The following PI4KA variants were observed in gnomAD, a reference collection of about 807,000 sequenced individuals.
The protein encoded by PI4KA is phosphatidylinositol 4-kinase alpha, also known as PI4-kinase alpha.
In PI4KA, 122 loss-of-function variants were observed where a neutral mutation model predicts 271.4. The ratio of observed to expected loss-of-function variants is 0.45; its 90% CI spans 0.39 to 0.52. The LOEUF (loss-of-function observed/expected upper bound fraction) is 0.52, where lower values mean the gene tolerates loss of function less well. Ranked by LOEUF, PI4KA falls within the 20% of genes least tolerant of loss-of-function variation. PI4KA has a pLI of 0.00. For synonymous variants in PI4KA, 1,041 were observed against 1,078.8 expected (o/e 0.96, Z 0.69); for missense variants, 1,969 against 2,769.1 (o/e 0.71, Z 6.48).
intron 19 of PI4KA, among the ~76,000 whole-genome samples, chr22:20,792,747 G>A (rs540224922): frequency 1.1e-4 from 17 of 152,300 alleles, no homozygotes; most frequent in African/African-American, 2.9e-4. Context: ...TGCCAACAAC[G>A]TCCCCTGAAG....
rs544033472 is a variant in PI4KA at position 20,799,608 on chromosome 22, G to A, written c.1820+63C>T. 2,260 of 1,111,354 alleles carry A rather than the reference G, an allele frequency of 2.0e-3. 4 individuals carry two copies. The highest frequency in any genetic ancestry group is 2.8e-3 in the Non-Finnish European group (2,074 of 745,922). The allele number at this position is 1,111,354 out of a possible 1,614,324, so 68.8% of individuals were successfully genotyped here. ...GAGGCATGCATACGCACAATGCCAG[G>A]TGCCCCACACGAGCCTGCTGAGAAC... On this transcript the variant is annotated intron_variant, in intron 15 of 54. Transcript: ENST00000255882.
chr22:20,763,017 T>TGGGGG lies in PI4KA; in HGVS notation c.2709-1636_2709-1632dup, dbSNP rs1227387739. Among the ~76,000 whole-genome samples, 179 of 52,152 alleles carry TGGGGG rather than the reference T, an allele frequency of 3.4e-3. 2 individuals are homozygous for TGGGGG. Among genetic ancestry groups the TGGGGG allele is most frequent in the Non-Finnish European group, 4.7e-3 (140 of 29,558 alleles). The allele number at this position is 52,152 out of a possible 152,430, so 34.2% of individuals were successfully genotyped here. On this transcript the variant is annotated intron_variant, in intron 22 of 54. Transcript: ENST00000255882. ...GGCTAGGTTTTTTTGCTTTTTTTTT[T>TGGGGG]GGGGGGGGGGGGGGTTAGAGACAAG...
chr22:20,847,374 C>G (rs1157934583), intron 1 of PI4KA, among the ~76,000 whole-genome samples: 1 of 152,116 alleles, frequency 6.6e-6, no homozygotes, highest in Non-Finnish European at 1.5e-5. Context: ...ATTGCTTGAA[C>G]CCAGGAGTTT....
chr22:20,758,727 ACT>A (rs1452460170), intron 23 of PI4KA, among the ~76,000 whole-genome samples: 3 of 151,262 alleles, frequency 2.0e-5, no homozygotes. Flanking sequence ...TGTGTGTGAG[ACT>A]CTCTGAATGT....
chr22:20,716,684 G>C (rs1347138853), intron 45 of PI4KA, among the ~76,000 whole-genome samples: 1 of 152,084 alleles, frequency 6.6e-6, no homozygotes, highest in Non-Finnish European at 1.5e-5. Flanking sequence ...CAGGGGCTGG[G>C]GACTTCTGTG....
intron 18 of PI4KA, among the ~76,000 whole-genome samples, chr22:20,795,758 GC>G (rs1934943906): frequency 6.6e-6 from 1 of 152,010 alleles, no homozygotes; most frequent in African/African-American, 2.4e-5. Flanking sequence ...GTGAAATCTG[GC>G]CCTTCTCATG....
intron 8 of PI4KA, among the ~76,000 whole-genome samples, chr22:20,813,090 T>A (rs1921278200): frequency 6.6e-6 from 1 of 152,202 alleles, no homozygotes; most frequent in Non-Finnish European, 1.5e-5. Context: ...TACATATCCA[T>A]GACGTGTTTG....
chr22:20,730,930 A>T (rs1181637308), intron 36 of PI4KA, among the ~76,000 whole-genome samples: 1 of 151,902 alleles, frequency 6.6e-6, no homozygotes. Flanking sequence ...TAATCCCAGC[A>T]CTTTGGGAGG....
chr22:20,712,765 G>T lies in PI4KA; in HGVS notation c.5604C>A (p.Phe1868Leu). The change falls in exon 49 of 55, where the codon TTC becomes TTA. Residue 1868 changes from phenylalanine to leucine, a missense_variant. Phe to Leu is a conservative substitution (Grantham distance 22). Around this residue, in one of 13 missense-constraint regions of PI4KA, gnomAD observed 110 missense variants for 349.8 expected, o/e 0.31. Transcript: ENST00000255882. ...DMLALQIIDL[F>L]KNIFQLVGLD... is the part of the protein sequence containing the mutation. The stretch of plus-strand genomic sequence containing the variant: ...GGCCGACCAGCTGGAAGATGTTCTT[G>T]AAGAGGTCGATGATCTGCAGGGCCA... 6.4e-7 allele frequency: 1 copy of T among 1,550,644 alleles called. No homozygotes were observed. The highest frequency in any genetic ancestry group is 8.7e-7 in the Non-Finnish European group (1 of 1,147,424).
chr22:20,798,958 C>T, intron 16 of PI4KA, 135 bp downstream of exon 16: 4 of 710,724 alleles, frequency 5.6e-6, no homozygotes, highest in Non-Finnish European at 6.9e-6. Context: ...ATTCTTACTA[C>T]TCCGCATTAA....
At chr22:20,791,548 G>A (rs559158441) in intron 19 of PI4KA, among the ~76,000 whole-genome samples, 2 of 152,248 alleles carry the variant, frequency 1.3e-5, no homozygotes, top group Admixed American at 6.5e-5. Flanking sequence ...CTTGAGCTCA[G>A]AAGTTCGAGA....
intron 12 of PI4KA, among the ~76,000 whole-genome samples, chr22:20,803,977 G>C (rs1211798642): frequency 6.6e-6 from 1 of 152,220 alleles, no homozygotes; most frequent in Non-Finnish European, 1.5e-5. Flanking sequence ...TGGGTGTCAG[G>C]AGACATCCCC....
intron 11 of PI4KA, 145 bp from the exon 12 acceptor site, chr22:20,804,545 T>G: frequency 1.5e-6 from 1 of 648,704 alleles, no homozygotes; most frequent in Non-Finnish European, 2.8e-6. Context: ...GGTCACACAG[T>G]GTGTGACACT....
At chr22:20,840,878 A>G (rs957241626) in intron 1 of PI4KA, among the ~76,000 whole-genome samples, 1 of 152,046 alleles carries the variant, frequency 6.6e-6, no homozygotes, top group African/African-American at 2.4e-5. Context: ...TTAATCAGCT[A>G]TTGTCAGAGG....
chr22:20,734,911 C>T (rs542982154), intron 32 of PI4KA, among the ~76,000 whole-genome samples: 1 of 152,276 alleles, frequency 6.6e-6, no homozygotes, highest in East Asian at 1.9e-4. Flanking sequence ...GCGGGAAGAC[C>T]CCTCTGTGGG....
chr22:20,724,882 G>C (rs1170954467), intron 42 of PI4KA, among the ~76,000 whole-genome samples: 3 of 152,218 alleles, frequency 2.0e-5, no homozygotes, highest in Admixed American at 2.0e-4. Flanking sequence ...CAGGGGGAAG[G>C]AAACAGGTTG....
intron 19 of PI4KA, among the ~76,000 whole-genome samples, chr22:20,778,605 T>C (rs1274273810): frequency 6.6e-6 from 1 of 152,172 alleles, no homozygotes; most frequent in Admixed American, 6.5e-5. Flanking sequence ...CTTTAGAATA[T>C]GTTTTCAGAA....
chr22:20,752,881 AT>A, intron 25 of PI4KA, 21 bp downstream of exon 25: 1 of 1,612,076 alleles, frequency 6.2e-7, no homozygotes, highest in Non-Finnish European at 8.5e-7. Context: ...CACACAAAAC[AT>A]TAGCAGGAAA....
At chr22:20,717,660 C>T (rs748731776) in intron 45 of PI4KA, 48 bp downstream of exon 45, 24 of 1,445,104 alleles carry the variant, frequency 1.7e-5, no homozygotes, top group East Asian at 9.8e-5. Flanking sequence ...CCCCGCCGCC[C>T]GCCTGCAGGA....
Sources: allele counts gnomAD v4.1 joint callset (sites outside exome capture counted in the v4.1 genomes callset), GRCh38; gene constraint gnomAD v4.1.1; regional missense constraint gnomAD v4.1.1; transcripts MANE v1.5; gene names NCBI Gene and HGNC (gene_info 2026-07-23, HGNC 2026-07-21).